FBXW7: variants seen among roughly 807,000 people sequenced by gnomAD.
FBXW7 encodes the protein F-box and WD repeat domain containing 7, also known as F-box/WD repeat-containing protein 7.
A neutral mutation model predicts 86.3 loss-of-function variants in FBXW7; 11 were observed. That is an observed-to-expected ratio of 0.13 (90% confidence interval 0.08 to 0.21). FBXW7 has a LOEUF of 0.21. FBXW7 is among the 10% of genes least tolerant of loss of function. The pLI is 1.00. For missense variants in FBXW7, 488 were observed against 847.4 expected (o/e 0.58, Z 5.27); for synonymous variants, 313 against 297.9 (o/e 1.05, Z -0.52).
chr4:152,535,823 GGGCTCCGGCTCT>G lies in FBXW7; in HGVS notation c.-921_-910del, dbSNP rs879691092. ...AAGCCGCCGGCTCCGGCTCAGGCTC[GGGCTCCGGCTCT>G]GGCTCCGGCTCCGGCGTGTGCAGCC... is the stretch of plus-strand genomic sequence containing the variant. On this transcript the variant is annotated 5_prime_UTR_variant, in exon 1 of 14. Coordinates refer to ENST00000281708, the MANE Select transcript of FBXW7 (RefSeq NM_001349798.2). 1.0e-5 allele frequency: 4 copies of G among 392,378 alleles called. No individual in the cohort carries two copies. Among genetic ancestry groups the G allele is most frequent in the East Asian group, 7.3e-5 (2 of 27,518 alleles). 24.3% of individuals were successfully genotyped at this position (392,378 alleles called of 1,614,324 possible).
At chr4:152,530,364 C>T (rs1749920399) in intron 2 of FBXW7, 1 of 152,150 alleles carries the variant, frequency 6.6e-6, no homozygotes, top group African/African-American at 2.4e-5. Flanking sequence ...ATAGACACTT[C>T]TAATTTTACA....
At chr4:152,424,985 T>A (rs930334702) in intron 2 of FBXW7, among the ~76,000 whole-genome samples, 7 of 152,312 alleles carry the variant, frequency 4.6e-5, no homozygotes, top group African/African-American at 1.7e-4. Context: ...AAATGCAGAT[T>A]CTGAGTTGGT....
intron 2 of FBXW7, among the ~76,000 whole-genome samples, chr4:152,452,459 CTG>C (rs1741993559): frequency 6.6e-6 from 1 of 152,208 alleles, no homozygotes; most frequent in Non-Finnish European, 1.5e-5. Flanking sequence ...TGAATTTTCA[CTG>C]TTATTTTTAA....
intron 4 of FBXW7, among the ~76,000 whole-genome samples, chr4:152,370,886 A>G (rs1210283704): frequency 2.0e-5 from 3 of 151,148 alleles, no homozygotes; most frequent in African/African-American, 7.2e-5. Flanking sequence ...AAATATATAA[A>G]CACAAGACAC....
intron 2 of FBXW7, among the ~76,000 whole-genome samples, chr4:152,511,048 T>C (rs1198891099): frequency 6.6e-6 from 1 of 151,684 alleles, no homozygotes; most frequent in Non-Finnish European, 1.5e-5. Context: ...ATTTTTTTTT[T>C]TTTTTTTTGT....
rs192889401 is a variant in FBXW7 at position 152,461,437 on chromosome 4, T to C, written c.-119-48908A>G. 6.6e-3 allele frequency among the ~76,000 whole-genome samples: 1,012 copies of C among 152,316 alleles called. 7 individuals are homozygous for C. Among genetic ancestry groups the C allele is most frequent in the Middle Eastern group, 0.02 (6 of 294 alleles). ...TTTTATTGCTGTACTGTAAATTTTA[T>C]TATGTTTTTTCCCAACTATTTTTGA... On this transcript the variant is annotated intron_variant, in intron 2 of 13. Transcript: ENST00000281708.
intron 4 of FBXW7, among the ~76,000 whole-genome samples, chr4:152,378,648 A>G (rs988380713): frequency 6.6e-6 from 1 of 152,210 alleles, no homozygotes; most frequent in East Asian, 1.9e-4. Context: ...AAGTGCTCCA[A>G]ACAAAAACAA....
chr4:152,513,027 A>G (rs1158069476), intron 2 of FBXW7, among the ~76,000 whole-genome samples: 1 of 151,976 alleles, frequency 6.6e-6, no homozygotes, highest in Non-Finnish European at 1.5e-5. Flanking sequence ...ATGCTCGGCT[A>G]ATTTTTGTAT....
At chr4:152,421,244 GAAGT>G (rs1738913152) in intron 2 of FBXW7, among the ~76,000 whole-genome samples, 1 of 152,152 alleles carries the variant, frequency 6.6e-6, no homozygotes, top group African/African-American at 2.4e-5. Context: ...TCATAGAATT[GAAGT>G]AAGTTCGGGC....
chr4:152,465,651 C>A (rs1032082837), intron 2 of FBXW7, among the ~76,000 whole-genome samples: 1 of 151,982 alleles, frequency 6.6e-6, no homozygotes, highest in Admixed American at 6.5e-5. Context: ...AGAGACCAGC[C>A]TGTCCAACAT....
At chr4:152,494,234 A>C (rs1307096125) in intron 2 of FBXW7, among the ~76,000 whole-genome samples, 6 of 152,214 alleles carry the variant, frequency 3.9e-5, no homozygotes, top group Non-Finnish European at 8.8e-5. Flanking sequence ...TTTAACATTA[A>C]GAAGAAAGAA....
intron 2 of FBXW7, among the ~76,000 whole-genome samples, chr4:152,445,584 T>C (rs1402078253): frequency 2.6e-5 from 4 of 152,104 alleles, no homozygotes; most frequent in East Asian, 3.8e-4. Flanking sequence ...CATTAGAGTC[T>C]TTCTCATAAA....
chr4:152,509,812 T>C (rs762818107), intron 2 of FBXW7, among the ~76,000 whole-genome samples: 1 of 152,186 alleles, frequency 6.6e-6, no homozygotes, highest in Non-Finnish European at 1.5e-5. Flanking sequence ...GTTGTCCTAC[T>C]GACACATACT....
At chr4:152,475,026 C>T (rs967919873) in intron 2 of FBXW7, among the ~76,000 whole-genome samples, 5 of 152,030 alleles carry the variant, frequency 3.3e-5, no homozygotes, top group East Asian at 3.9e-4. Context: ...CACTTGAACC[C>T]AGGAAGCAGA....
chr4:152,349,785 T>C (rs1157360748), intron 5 of FBXW7, among the ~76,000 whole-genome samples: 1 of 151,888 alleles, frequency 6.6e-6, no homozygotes, highest in Non-Finnish European at 1.5e-5. Context: ...TCCTTAAAAA[T>C]TGTAATTTTA....
At chr4:152,506,957 AAAC>A (rs1170375582) in intron 2 of FBXW7, among the ~76,000 whole-genome samples, 1 of 152,208 alleles carries the variant, frequency 6.6e-6, no homozygotes, top group Non-Finnish European at 1.5e-5. Context: ...TGTGAAGCCA[AAAC>A]AACATGGTCT....
intron 4 of FBXW7, among the ~76,000 whole-genome samples, chr4:152,359,340 C>G (rs918471714): frequency 6.6e-6 from 1 of 152,072 alleles, no homozygotes; most frequent in Non-Finnish European, 1.5e-5. Context: ...GTGGCTCACA[C>G]CCATAATCCC....
intron 2 of FBXW7, among the ~76,000 whole-genome samples, chr4:152,506,051 CAG>C (rs1338088788): frequency 1.3e-5 from 2 of 152,018 alleles, no homozygotes; most frequent in African/African-American, 4.8e-5. Flanking sequence ...AAAGTAACAA[CAG>C]AAAGTGCAGT....
At position 152,498,008 on chromosome 4, in the gene FBXW7, G is replaced by GT. The variant is rs531716362; in HGVS notation, c.-120+36932dup. Among the ~76,000 whole-genome samples, 30 of 152,238 alleles carry GT rather than the reference G, an allele frequency of 2.0e-4. No homozygotes were observed. In the East Asian group the frequency reaches 4.6e-3, roughly 23 times the overall value. On this transcript the variant is annotated intron_variant, in intron 2 of 13. Coordinates refer to ENST00000281708, the MANE Select transcript of FBXW7 (RefSeq NM_001349798.2). ...GTACAAAAACAGCAGGGAAATAATC[G>GT]TAAGGACTTTAGGATAATGAGTACC...
Sources: allele counts gnomAD v4.1 joint callset (sites outside exome capture counted in the v4.1 genomes callset), GRCh38; gene constraint gnomAD v4.1.1; transcripts MANE v1.5; gene names NCBI Gene and HGNC (gene_info 2026-07-23, HGNC 2026-07-21).